Variants in HEATR6 observed in about 807,000 individuals in gnomAD.
The protein encoded by HEATR6 is HEAT repeat-containing protein 6.
Under a neutral mutation model 132.8 loss-of-function variants are expected in HEATR6, and 106 were observed. That is an observed-to-expected ratio of 0.80 (90% CI 0.68 to 0.94). HEATR6 has a LOEUF of 0.94. Among genes scored for constraint, HEATR6 ranks in the 40% least tolerant of loss-of-function variants. HEATR6 has a pLI of 0.00. For synonymous variants in HEATR6, 529 were observed against 537.8 expected (o/e 0.98, Z 0.23); for missense variants, 1,339 against 1,425.1 (o/e 0.94, Z 0.97).
At chr17:60,060,929 C>T (rs1284923256) in intron 9 of HEATR6, among the ~76,000 whole-genome samples, 2 of 152,214 alleles carry the variant, frequency 1.3e-5, no homozygotes, top group East Asian at 3.9e-4. Flanking sequence ...AAAGGTGTCA[C>T]TGGCACCAAG....
In HEATR6 at chr17:60,042,847, G is replaced by A. The variant is rs944882437; in HGVS notation, c.*716C>T. ...ACCGTCAGCATCCTCGGTCCTGTGC[G>A]GCTGTGAGGCACCGTCAGCATCCTC... On this transcript the variant is annotated 3_prime_UTR_variant, in exon 20 of 20. Transcript: ENST00000184956. Among the ~76,000 whole-genome samples, 387 of 61,156 alleles carry A rather than the reference G, an allele frequency of 6.3e-3. 13 individuals carry two copies. Among genetic ancestry groups the A allele is most frequent in the Non-Finnish European group, 8.4e-3 (284 of 33,964 alleles). 40.1% of individuals were successfully genotyped at this position (61,156 alleles called of 152,430 possible). A position where few individuals can be genotyped will look rare whatever the true frequency, so the allele number is the denominator to read the frequency against.
intron 7 of HEATR6, 139 bp downstream of exon 7, chr17:60,069,572 T>A: frequency 5.3e-6 from 4 of 760,546 alleles, no homozygotes; most frequent in Non-Finnish European, 8.4e-6. Context: ...TGAGTTTAAA[T>A]TTACTATGCT....
chr17:60,055,662 T>TG, intron 13 of HEATR6, 61 bp from the exon 14 acceptor site: 1 of 1,179,646 alleles, frequency 8.5e-7, no homozygotes, highest in Non-Finnish European at 1.2e-6. Flanking sequence ...TTCACTTGAG[T>TG]AACACCTTCA....
chr17:60,047,463 A>G (rs1906408167), intron 17 of HEATR6, 58 bp from the exon 18 acceptor site: 3 of 895,514 alleles, frequency 3.4e-6, no homozygotes, highest in Admixed American at 2.2e-5. Flanking sequence ...AAATATATAC[A>G]TATAGAAATA....
At chr17:60,046,412 C>T (rs985457180) in intron 18 of HEATR6, among the ~76,000 whole-genome samples, 183 bp from the exon 19 acceptor site, 1 of 152,192 alleles carries the variant, frequency 6.6e-6, no homozygotes, top group African/African-American at 2.4e-5. Context: ...CAGAACTCCT[C>T]TCTCTGATTA....
chr17:60,071,175 C>A (rs915201171), intron 5 of HEATR6, among the ~76,000 whole-genome samples: 1 of 152,074 alleles, frequency 6.6e-6, no homozygotes, highest in African/African-American at 2.4e-5. Flanking sequence ...GCAAACCCAG[C>A]CCTCTTAAAA....
In HEATR6 at chr17:60,066,309, AG is replaced by A. The variant is rs781638989; in HGVS notation, c.1315del (p.Leu439PhefsTer23). The A allele has an allele frequency of 9.3e-6, 15 of 1,613,862 alleles. No homozygotes were observed. In the South Asian group the frequency reaches 1.6e-4, roughly 18 times the overall value. On this transcript the variant is annotated frameshift_variant, in exon 9 of 20. Coordinates refer to ENST00000184956, the MANE Select transcript of HEATR6 (RefSeq NM_022070.5). LOFTEE classifies it high-confidence loss of function. ...STIKSIEKKV[L>X]YGYWSAFIPD... ...AATAAAAGCTGACCAGTAGCCATAA[AG>A]AACTTTTTTTTCTATCGATTTTATA...
At chr17:60,053,502 G>C (rs1289231055) in intron 14 of HEATR6, among the ~76,000 whole-genome samples, 1 of 152,236 alleles carries the variant, frequency 6.6e-6, no homozygotes, top group African/African-American at 2.4e-5. Flanking sequence ...GGCAGAGGCT[G>C]AAAGAGTTTG....
At chr17:60,054,694 C>T (rs1053517613) in intron 14 of HEATR6, among the ~76,000 whole-genome samples, 4 of 152,206 alleles carry the variant, frequency 2.6e-5, no homozygotes, top group Non-Finnish European at 4.4e-5. Context: ...AATGCCTGTA[C>T]CACCATTGTA....
In HEATR6 at chr17:60,070,702, T is replaced by G; in HGVS notation, c.801+4A>C. ...GACAATGATCATATGAAGACTTGCC[T>G]TACCTTTAGCACAGCTAAAAGTGCT... On this transcript the variant is annotated splice_donor_region_variant and intron_variant, in intron 6 of 19. Coordinates refer to ENST00000184956, the MANE Select transcript of HEATR6 (RefSeq NM_022070.5). The G allele has an allele frequency of 6.5e-7, 1 of 1,540,362 alleles. No individual in the cohort carries two copies.
At chr17:60,056,274 G>C in intron 12 of HEATR6, 37 bp from the exon 13 acceptor site, 3 of 1,584,216 alleles carry the variant, frequency 1.9e-6, no homozygotes, top group South Asian at 1.1e-5. Flanking sequence ...TCTAAGACCT[G>C]AGTGCAAGGC....
chr17:60,049,563 A>G lies in HEATR6; in HGVS notation c.2547+17T>C. ...CTACAAAAGGGGCACAGAAGAGCTA[A>G]ATAGGCTCACTCTGACCTGTCTGAG... is the stretch of plus-strand genomic sequence containing the variant. On this transcript the variant is annotated intron_variant, in intron 16 of 19. Coordinates refer to ENST00000184956, the MANE Select transcript of HEATR6 (RefSeq NM_022070.5). 1.9e-6 allele frequency: 3 copies of G among 1,613,388 alleles called. No individual in the cohort carries two copies. Among genetic ancestry groups the G allele is most frequent in the Non-Finnish European group, 2.5e-6 (3 of 1,179,476 alleles).
At chr17:60,056,884 C>T (rs919348708) in intron 12 of HEATR6, among the ~76,000 whole-genome samples, 164 bp downstream of exon 12, 3 of 152,144 alleles carry the variant, frequency 2.0e-5, no homozygotes, top group Admixed American at 6.5e-5. Flanking sequence ...AGAACACCTC[C>T]CCAAAACAAA....
Position 60,043,343 on chromosome 17 carries a change from G to C in HEATR6, c.*220C>G, listed in dbSNP as rs1906247089. 3.8e-6 allele frequency: 2 copies of C among 527,650 alleles called. No homozygotes were observed. The highest frequency in any genetic ancestry group is 6.7e-6 in the Non-Finnish European group (2 of 298,296). 32.7% of individuals were successfully genotyped at this position (527,650 alleles called of 1,614,324 possible). On this transcript the variant is annotated 3_prime_UTR_variant, in exon 20 of 20. Coordinates refer to ENST00000184956, the MANE Select transcript of HEATR6 (RefSeq NM_022070.5). The stretch of plus-strand genomic sequence containing the variant: ...CAACCTGACTCCTCGGCTCCTGGAT[G>C]CACAGGTCAGATGTTCCAACAACCC...
chr17:60,050,822 G>T (rs745578029), intron 15 of HEATR6, 21 bp downstream of exon 15: 76 of 1,613,718 alleles, frequency 4.7e-5, no homozygotes, highest in Admixed American at 3.0e-4. Context: ...ATTTAAGGGT[G>T]AGAAAACACC....
chr17:60,048,413 A>G (rs1906445573), intron 16 of HEATR6, 25 bp from the exon 17 acceptor site: 1 of 1,590,724 alleles, frequency 6.3e-7, no homozygotes, highest in East Asian at 2.3e-5. Flanking sequence ...AAAACACTGC[A>G]GTTACTTTAG....
At chr17:60,058,774 A>G (rs1234987002) in intron 11 of HEATR6, among the ~76,000 whole-genome samples, 1 of 152,212 alleles carries the variant, frequency 6.6e-6, no homozygotes, top group Non-Finnish European at 1.5e-5. Flanking sequence ...TATGTCACAG[A>G]AAACATCCAC....
At chr17:60,072,067 T>C (rs1255154489) in intron 5 of HEATR6, 148 bp downstream of exon 5, 2 of 410,546 alleles carry the variant, frequency 4.9e-6, no homozygotes, top group Non-Finnish European at 8.8e-6. Flanking sequence ...AATGGTATGA[T>C]TTTAGTCTTT....
chr17:60,066,507 C>T (rs1380452009), intron 8 of HEATR6, 121 bp from the exon 9 acceptor site: 1 of 729,826 alleles, frequency 1.4e-6, no homozygotes, highest in Non-Finnish European at 2.1e-6. Context: ...ATTAAACATT[C>T]TAAATAATTC....
Sources: allele counts gnomAD v4.1 joint callset (sites outside exome capture counted in the v4.1 genomes callset), GRCh38; gene constraint gnomAD v4.1.1; transcripts MANE v1.5; gene names NCBI Gene and HGNC (gene_info 2026-07-23, HGNC 2026-07-21).